The following ADGRB1 variants were observed in gnomAD, a reference collection of about 807,000 sequenced individuals.
ADGRB1 encodes the protein adhesion G protein-coupled receptor B1.
Under a neutral mutation model 175.7 loss-of-function variants are expected in ADGRB1, and 36 were observed. That is an observed-to-expected ratio of 0.20 (90% CI 0.16 to 0.27). The LOEUF is 0.27. Among genes scored for constraint, ADGRB1 ranks in the 10% least tolerant of loss-of-function variants. The pLI is 1.00. For missense variants in ADGRB1, 1,731 were observed against 2,255.3 expected (o/e 0.77, Z 4.71); for synonymous variants, 1,054 against 979.4 (o/e 1.08, Z -1.42).
chr8:142,452,214 G>C (rs1466536465), intron 1 of ADGRB1, among the ~76,000 whole-genome samples: 3 of 152,314 alleles, frequency 2.0e-5, no homozygotes, highest in African/African-American at 4.8e-5. Context: ...GGGGCAGAAG[G>C]CTGGCCCGGG....
chr8:142,501,153 G>C (rs1842507231), intron 17 of ADGRB1, among the ~76,000 whole-genome samples: 1 of 152,256 alleles, frequency 6.6e-6, no homozygotes, highest in African/African-American at 2.4e-5. Context: ...TAGTGGAGGT[G>C]ACGCTGGTGA....
intron 17 of ADGRB1, among the ~76,000 whole-genome samples, chr8:142,497,676 G>A (rs947029520): frequency 2.0e-5 from 3 of 152,196 alleles, no homozygotes; most frequent in Non-Finnish European, 2.9e-5. Context: ...AGCCCACCCT[G>A]GCCTAGCTTC....
At chr8:142,544,082 T>A (rs1165424859) in intron 30 of ADGRB1, 138 bp from the exon 31 acceptor site, 6 of 911,034 alleles carry the variant, frequency 6.6e-6, no homozygotes, top group Non-Finnish European at 9.8e-6. Context: ...CCTGAAAGCC[T>A]CATCCTGTCC....
At chr8:142,476,375 T>C (rs1840975156) in intron 3 of ADGRB1, among the ~76,000 whole-genome samples, 1 of 151,262 alleles carries the variant, frequency 6.6e-6, no homozygotes, top group Non-Finnish European at 1.5e-5. Flanking sequence ...GTGAGGGAGG[T>C]GGCGCGGGGT....
At chr8:142,495,810 A>G (rs760656257) in intron 17 of ADGRB1, among the ~76,000 whole-genome samples, 1 of 152,052 alleles carries the variant, frequency 6.6e-6, no homozygotes, top group African/African-American at 2.4e-5. Context: ...GTTTCCAAAT[A>G]AAATCATATT....
intron 24 of ADGRB1, among the ~76,000 whole-genome samples, chr8:142,528,112 T>C (rs1563743292): frequency 6.6e-6 from 1 of 152,192 alleles, no homozygotes; most frequent in Non-Finnish European, 1.5e-5. Context: ...CACCGGTCTA[T>C]GTGTGCACGC....
In ADGRB1 at chr8:142,472,161, G is replaced by A. The variant is rs139932058; in HGVS notation, c.785-3313G>A. ...AGCTAGGGAGGCCCAGCTGGAGGGA[G>A]GGACGCCCCCTGTGCTCCCCCGCAC... On this transcript the variant is annotated intron_variant, in intron 2 of 30. Transcript: ENST00000517894. 1.2e-3 allele frequency among the ~76,000 whole-genome samples: 177 copies of A among 152,302 alleles called. 2 individuals carry two copies. The highest frequency in any genetic ancestry group is 3.8e-3 in the African/African-American group (159 of 41,578).
At chr8:142,450,665 G>A (rs1402701082) in intron 1 of ADGRB1, among the ~76,000 whole-genome samples, 3 of 152,076 alleles carry the variant, frequency 2.0e-5, no homozygotes, top group African/African-American at 7.2e-5. Flanking sequence ...CAGAGCTCGG[G>A]GCAGGCAGGA....
chr8:142,452,513 G>A (rs1039539621), intron 1 of ADGRB1, among the ~76,000 whole-genome samples: 1 of 152,200 alleles, frequency 6.6e-6, no homozygotes, highest in East Asian at 1.9e-4. Flanking sequence ...GCCCCTCTCG[G>A]ACCTCGGTGG....
intron 13 of ADGRB1, among the ~76,000 whole-genome samples, chr8:142,488,020 A>G (rs572938510): frequency 4.6e-5 from 7 of 151,994 alleles, no homozygotes; most frequent in Non-Finnish European, 8.8e-5. Context: ...GGATCCCTCC[A>G]TGGCCACAGG....
At chr8:142,483,013 C>T (rs889948272) in intron 11 of ADGRB1, among the ~76,000 whole-genome samples, 2 of 151,140 alleles carry the variant, frequency 1.3e-5, no homozygotes, top group Non-Finnish European at 3.0e-5. Context: ...TGATTCTGGT[C>T]ACACACTGAG....
chr8:142,483,584 CCTGAGCCCTTATCCTGGTCACA>C (rs1841496784), intron 11 of ADGRB1, among the ~76,000 whole-genome samples: 12 of 124,986 alleles, frequency 9.6e-5, no homozygotes, highest in Admixed American at 2.5e-4. Flanking sequence ...CTGGTCACAC[CCTGAGCCCTTATCCTGGTCACA>C]CTGAGCCCTG....
chr8:142,475,371 C>G, intron 2 of ADGRB1, 103 bp from the exon 3 acceptor site: 1 of 1,169,456 alleles, frequency 8.6e-7, no homozygotes, highest in Non-Finnish European at 1.1e-6. Flanking sequence ...GCGGCCCCTC[C>G]CCACCCGGGC....
At chr8:142,531,891 A>G (rs1344177498) in intron 24 of ADGRB1, among the ~76,000 whole-genome samples, 1 of 152,112 alleles carries the variant, frequency 6.6e-6, no homozygotes, top group Non-Finnish European at 1.5e-5. Flanking sequence ...GACGACACAG[A>G]TATCCCTTGG....
At chr8:142,513,524 G>A (rs1011766785) in intron 18 of ADGRB1, among the ~76,000 whole-genome samples, 1 of 152,186 alleles carries the variant, frequency 6.6e-6, no homozygotes, top group Non-Finnish European at 1.5e-5. Context: ...CCCCTGGCAG[G>A]TTCCTTTGTC....
At chr8:142,463,524 G>C (rs1840079345) in intron 1 of ADGRB1, among the ~76,000 whole-genome samples, 1 of 152,264 alleles carries the variant, frequency 6.6e-6, no homozygotes, top group African/African-American at 2.4e-5. Context: ...AAGGAGGAAG[G>C]TTAGAGAGGA....
At chr8:142,460,462 G>T (rs990602738) in intron 1 of ADGRB1, among the ~76,000 whole-genome samples, 3 of 152,238 alleles carry the variant, frequency 2.0e-5, no homozygotes, top group Non-Finnish European at 4.4e-5. Context: ...AGGCCTGGGC[G>T]GGGAGCAGCT....
intron 1 of ADGRB1, among the ~76,000 whole-genome samples, chr8:142,457,735 G>C (rs1000101577): frequency 3.9e-5 from 6 of 152,170 alleles, no homozygotes; most frequent in African/African-American, 7.2e-5. Flanking sequence ...CTGTCGGGGG[G>C]AGGCTATCTC....
intron 3 of ADGRB1, among the ~76,000 whole-genome samples, 161 bp from the exon 4 acceptor site, chr8:142,476,424 C>G (rs1185975510): frequency 6.6e-6 from 1 of 152,182 alleles, no homozygotes. Context: ...CCCTGGTGAC[C>G]AGATGAGGGC....
Sources: allele counts gnomAD v4.1 joint callset (sites outside exome capture counted in the v4.1 genomes callset), GRCh38; gene constraint gnomAD v4.1.1; transcripts MANE v1.5; gene names NCBI Gene and HGNC (gene_info 2026-07-23, HGNC 2026-07-21).